Variants in ZNF529 observed in about 807,000 individuals in gnomAD.
ZNF529 encodes zinc finger protein 529.
A neutral mutation model predicts 10.1 loss-of-function variants in ZNF529; 11 were observed. That is an observed-to-expected ratio of 1.09 (90% CI 0.69 to 1.81). ZNF529 has a LOEUF of 1.81. ZNF529 is among the 40% of genes most tolerant of loss of function. The pLI is 0.00. For synonymous variants in ZNF529, 204 were observed against 215.7 expected, an observed-to-expected ratio of 0.95 and a Z score of 0.47; for missense variants, 624 against 666.8, an observed-to-expected ratio of 0.94 and a Z score of 0.71.
At position 36,579,863 on chromosome 19, in the gene ZNF529, ATAAAT is replaced by A. The variant is rs2036424427; in HGVS notation, c.-41+9747_-41+9751del. Among the ~76,000 whole-genome samples the A allele has an allele frequency of 2.0e-5, 3 of 152,220 alleles. No individual in the cohort carries two copies. In the South Asian group the frequency reaches 6.2e-4, roughly 31 times the overall value. On this transcript the variant is annotated intron_variant, in intron 2 of 4. Coordinates refer to the ZNF529 transcript ENST00000585960. ...TTATTTTTTTAAGTTTTCTTCAATA[ATAAAT>A]TAACCTTAGCTTCCTGTAATATTTT...
At chr19:36,588,392 T>C (rs1489236815) in intron 2 of ZNF529, among the ~76,000 whole-genome samples, 1 of 152,176 alleles carries the variant, frequency 6.6e-6, no homozygotes, top group East Asian at 1.9e-4. Flanking sequence ...GTCCACTCCC[T>C]GCTGTCTTTG....
intron 2 of ZNF529, among the ~76,000 whole-genome samples, chr19:36,567,888 G>A (rs1258689575): frequency 6.6e-6 from 1 of 152,184 alleles, no homozygotes; most frequent in Admixed American, 6.5e-5. Context: ...CCTGCACGAT[G>A]TGAAAAAATA....
rs563468975 is a variant in ZNF529 at position 36,547,707 on chromosome 19, C to T, written c.851G>A (p.Cys284Tyr). 1.4e-5 allele frequency: 23 copies of T among 1,613,926 alleles called. No homozygotes were observed. Among genetic ancestry groups the T allele is most frequent in the Non-Finnish European group, 1.9e-5 (23 of 1,179,850 alleles). Reference protein sequence around the residue: ...RVHDGEKHFECSFCGKSFRVH... With the variant: ...RVHDGEKHFEYSFCGKSFRVH... The stretch of plus-strand genomic sequence containing the variant: ...TCTAAAGGATTTCCCACAGAATGAG[C>T]ATTCAAAGTGTTTCTCACCATCATG... Residue 284 changes from cysteine (C) to tyrosine (Y), a missense_variant, in exon 5 of 5, where the codon TGC (cysteine) becomes TAC (tyrosine). Physicochemically the swap from Cys to Tyr is radical, Grantham distance 194. Coordinates refer to ENST00000591340, the MANE Select transcript of ZNF529 (RefSeq NM_020951.5).
chr19:36,588,265 A>G (rs1207256714), intron 2 of ZNF529, among the ~76,000 whole-genome samples: 2 of 152,158 alleles, frequency 1.3e-5, no homozygotes, highest in Non-Finnish European at 2.9e-5. Context: ...AGTGGTTTTA[A>G]TGTGTCTCAT....
intron 1 of ZNF529, among the ~76,000 whole-genome samples, chr19:36,598,558 G>C (rs1331230474): frequency 6.6e-6 from 1 of 151,628 alleles, no homozygotes; most frequent in Non-Finnish European, 1.5e-5. Flanking sequence ...TTGCAAATAA[G>C]AACAAAAGAT....
At chr19:36,560,209 A>C (rs2035630847) in intron 2 of ZNF529, among the ~76,000 whole-genome samples, 1 of 148,494 alleles carries the variant, frequency 6.7e-6, no homozygotes, top group Non-Finnish European at 1.5e-5. Context: ...GTGAGCCGAG[A>C]TCACGCCATT....
At position 36,554,679 on chromosome 19, in the gene ZNF529, G is replaced by A. The variant is rs550875817; in HGVS notation, c.226C>T (p.Leu76Phe). 2 of 1,560,670 alleles carry A rather than the reference G, an allele frequency of 1.3e-6. No homozygotes were observed. Among genetic ancestry groups the A allele is most frequent in the East Asian group, 4.7e-5 (2 of 42,530 alleles). ...DVMMENYSNLLSLDLESRNET... is the reference protein window; with the variant it reads ...DVMMENYSNLFSLDLESRNET... ...AGGCAGATAAATTTACCCAGTGAGA[G>A]TAAGTTGCTGTAGTTCTCCATCATC... Residue 76 changes from leucine (L) to phenylalanine (F), a missense_variant, in exon 4 of 5, where the codon CTC becomes TTC. Physicochemically the swap from Leu to Phe is conservative, Grantham distance 22. Coordinates refer to ENST00000591340, the MANE Select transcript of ZNF529 (RefSeq NM_020951.5).
chr19:36,595,798 T>C (rs2036827749), intron 1 of ZNF529, among the ~76,000 whole-genome samples: 2 of 152,170 alleles, frequency 1.3e-5, no homozygotes, highest in African/African-American at 4.8e-5. Flanking sequence ...ACAATATACA[T>C]ATAATATTGT....
chr19:36,603,954 T>C (rs1019267972), intron 1 of ZNF529, among the ~76,000 whole-genome samples: 1 of 151,868 alleles, frequency 6.6e-6, no homozygotes, highest in Non-Finnish European at 1.5e-5. Flanking sequence ...CCGAGGCGGG[T>C]GGATCACCTG....
In ZNF529 at chr19:36,546,209, T is replaced by C. The variant is rs1435705425; in HGVS notation, c.*657A>G. 7.1e-6 allele frequency: 1 copy of C among 141,456 alleles called. No homozygotes were observed. The highest frequency in any genetic ancestry group is 2.7e-5 in the African/African-American group (1 of 36,810). 8.8% of individuals were successfully genotyped at this position (141,456 alleles called of 1,614,324 possible). On this transcript the variant is annotated 3_prime_UTR_variant, in exon 5 of 5. Transcript: ENST00000591340. ...CATCACACATACACTATATACACTA[T>C]ATGTGTATATACACTATATGTATAT...
intron 2 of ZNF529, among the ~76,000 whole-genome samples, chr19:36,587,726 A>G (rs1370474584): frequency 2.0e-5 from 3 of 152,194 alleles, no homozygotes; most frequent in South Asian, 4.1e-4. Flanking sequence ...GAACCTTCAA[A>G]ACATTATGGT....
At chr19:36,591,547 G>A (rs1248050057) in intron 1 of ZNF529, among the ~76,000 whole-genome samples, 2 of 150,854 alleles carry the variant, frequency 1.3e-5, no homozygotes, top group Non-Finnish European at 1.5e-5. Flanking sequence ...GTGAAACCCC[G>A]TCTCTACTAA....
At position 36,593,498 on chromosome 19, in the gene ZNF529, GCTT is replaced by G. The variant is rs1290972700; in HGVS notation, c.-127-3800_-127-3798del. Reference sequence around the variant, plus strand: ...CCCAATCTATAATCGAATGAAATCAGCTTCTTTTAATCATCCGTCCACCATCTT... The same window carrying G: ...CCCAATCTATAATCGAATGAAATCAGCTTTTAATCATCCGTCCACCATCTT... On this transcript the variant is annotated intron_variant, in intron 1 of 4. Coordinates refer to the ZNF529 transcript ENST00000585960. 3.9e-5 allele frequency among the ~76,000 whole-genome samples: 6 copies of G among 152,230 alleles called. No homozygotes were observed. The East Asian group carries it at 1.2e-3, about 29-fold the overall frequency.
At chr19:36,570,218 G>C (rs375307019) in intron 2 of ZNF529, among the ~76,000 whole-genome samples, 7 of 151,770 alleles carry the variant, frequency 4.6e-5, no homozygotes, top group African/African-American at 1.7e-4. Context: ...AAAATTAGCC[G>C]GGTGTTGTGG....
At chr19:36,556,022 T>C (rs1427428841) in intron 3 of ZNF529, 82 bp downstream of exon 3, 2 of 1,412,242 alleles carry the variant, frequency 1.4e-6, no homozygotes, top group East Asian at 2.5e-5. Flanking sequence ...GGGGTTGTGG[T>C]ACAGGTTCTT....
upstream of ZNF529, chr19:36,574,767 T>C (rs1325885289): frequency 2.1e-6 from 1 of 469,094 alleles, no homozygotes; most frequent in East Asian, 6.9e-5. Context: ...TGTGCAAATA[T>C]ACCACAATTT....
rs60265238 is a variant in ZNF529, at chr19:36,558,936, CA to C, written c.15-2740del. On this transcript the variant is annotated intron_variant, in intron 2 of 4. Transcript: ENST00000591340. ...ATAAGAAATTCATTCAACTCAATAG[CA>C]AAAAAAAAAATCCAATTAAAAAAAT... is the stretch of plus-strand genomic sequence containing the variant. Among the ~76,000 whole-genome samples, 67 of 146,804 alleles carry C rather than the reference CA, an allele frequency of 4.6e-4. 1 individual carries two copies. Among genetic ancestry groups the C allele is most frequent in the African/African-American group, 1.0e-3 (41 of 40,326 alleles).
chr19:36,586,334 C>T (rs1449850576), intron 2 of ZNF529, among the ~76,000 whole-genome samples: 3 of 152,116 alleles, frequency 2.0e-5, no homozygotes, highest in Admixed American at 6.5e-5. Flanking sequence ...TTGCCGGGCG[C>T]GGTGGCTCAC....
chr19:36,602,093 G>A (rs1568623277), intron 1 of ZNF529, among the ~76,000 whole-genome samples: 1 of 147,840 alleles, frequency 6.8e-6, no homozygotes, highest in Non-Finnish European at 1.5e-5. Context: ...TGTCTCCCAG[G>A]CTAGAGTGCA....
Sources: gnomAD v4.1 joint callset for allele counts (sites outside exome capture counted in the v4.1 genomes callset) on GRCh38, gnomAD v4.1.1 for gene constraint, MANE v1.5 for transcripts, NCBI Gene and HGNC (gene_info 2026-07-23, HGNC 2026-07-21) for gene names.